Variants in FAM169A observed in about 807,000 individuals in gnomAD.
FAM169A encodes soluble lamin-associated protein of 75 kDa.
In FAM169A, 24 loss-of-function variants were observed where a neutral mutation model predicts 75.7. That is an observed-to-expected ratio of 0.32 (90% CI 0.23 to 0.45). The LOEUF is 0.45. FAM169A is among the 20% of genes least tolerant of loss of function. The probability of loss-of-function intolerance (pLI) is 1.00; values close to 1 mark genes in which losing one functional copy is unlikely to be tolerated. For missense variants in FAM169A, 673 were observed against 784.0 expected (o/e 0.86, Z 1.69); for synonymous variants, 271 against 271.0 (o/e 1.00, Z 0.00).
chr5:74,834,220 T>C (rs1287475833), intron 5 of FAM169A, among the ~76,000 whole-genome samples: 2 of 152,198 alleles, frequency 1.3e-5, no homozygotes, highest in African/African-American at 4.8e-5. Flanking sequence ...ATCAAATGTT[T>C]ATTTTTATTT....
chr5:74,781,374 G>C lies in FAM169A; in HGVS notation c.*86C>G, dbSNP rs1745399581. ...GAAATTTTGGAAATTTTTGTCCTGT[G>C]CCCCATGCTGTTTATTAATTACCAT... On this transcript the variant is annotated 3_prime_UTR_variant, in exon 13 of 13. Coordinates refer to ENST00000687041, the MANE Select transcript of FAM169A (RefSeq NM_001376049.1). 7.5e-7 allele frequency: 1 copy of C among 1,332,504 alleles called. No individual in the cohort carries two copies. Among genetic ancestry groups the C allele is most frequent in the African/African-American group, 1.5e-5 (1 of 68,272 alleles). The allele number at this position is 1,332,504 out of a possible 1,614,324, so 82.5% of individuals were successfully genotyped here. A position where few individuals can be genotyped will look rare whatever the true frequency, so the allele number is the denominator to read the frequency against.
intron 8 of FAM169A, 96 bp from the exon 9 acceptor site, chr5:74,801,725 G>T: frequency 1.1e-6 from 1 of 914,774 alleles, no homozygotes; most frequent in African/African-American, 1.7e-5. Flanking sequence ...CTTGTAAAAT[G>T]TTTTCCAAAT....
At chr5:74,800,830 AAAAAT>A (rs1308934010) in intron 10 of FAM169A, 45 bp downstream of exon 10, 3 of 1,067,208 alleles carry the variant, frequency 2.8e-6, no homozygotes, top group Non-Finnish European at 3.7e-6. Flanking sequence ...AGTATAAACA[AAAAAT>A]AAAAGTACAA....
At chr5:74,847,669 G>GT (rs1749225425) in intron 1 of FAM169A, among the ~76,000 whole-genome samples, 1 of 152,146 alleles carries the variant, frequency 6.6e-6, no homozygotes, top group African/African-American at 2.4e-5. Flanking sequence ...ATCGCCAGTA[G>GT]TATGTCAGCA....
chr5:74,781,699 T>A lies in FAM169A; in HGVS notation c.1774A>T (p.Ile592Leu). 1.2e-6 allele frequency: 2 copies of A among 1,614,134 alleles called. No individual in the cohort carries two copies. Among genetic ancestry groups the A allele is most frequent in the Non-Finnish European group, 1.7e-6 (2 of 1,180,004 alleles). Residue 592 changes from isoleucine to leucine, a missense_variant, in exon 13 of 13, where the codon ATA (isoleucine) becomes TTA (leucine). By Grantham distance (5) the Ile-to-Leu change is conservative. This residue lies in a region of FAM169A where 510 missense variants were observed against 550.9 expected (regional missense o/e 0.93). Transcript: ENST00000687041. ...GGCACGTCTTCAAGTTCAACCTCTATCAAAGAACTCTGAGGAAGAGCAGTA... is the reference window on the plus strand; with the variant it reads ...GGCACGTCTTCAAGTTCAACCTCTAACAAAGAACTCTGAGGAAGAGCAGTA... ...TSTALPQSSL[I>L]EVELEDVPFS...
At chr5:74,861,831 T>C (rs1308824979) in intron 1 of FAM169A, among the ~76,000 whole-genome samples, 1 of 152,318 alleles carries the variant, frequency 6.6e-6, no homozygotes, top group Admixed American at 6.5e-5. Flanking sequence ...TGGGTGATAT[T>C]ATCATTATGC....
At position 74,782,002 on chromosome 5, in the gene FAM169A, G is replaced by A. The variant is rs368694395; in HGVS notation, c.1471C>T (p.Arg491Cys). The A allele has an allele frequency of 3.0e-5, 48 of 1,598,268 alleles. No individual in the cohort carries two copies. The highest frequency in any genetic ancestry group is 1.7e-4 in the Admixed American group (10 of 57,282). Reference sequence around the variant, plus strand: ...ATCAACATTTCTGAGTCAGGTATACGTGGGGTCTGAAAATTAAAAACCTGG... The same window carrying A: ...ATCAACATTTCTGAGTCAGGTATACATGGGGTCTGAAAATTAAAAACCTGG... ...PEVDAPDKTP[R>C]IPDSEMLMDE... is the part of the protein sequence containing the mutation. The change falls in exon 13 of 13, where the codon CGT becomes TGT. Residue 491 changes from arginine (R) to cysteine (C), a missense_variant. Arg to Cys is a radical substitution (Grantham distance 180). Coordinates refer to ENST00000687041, the MANE Select transcript of FAM169A (RefSeq NM_001376049.1).
upstream of FAM169A, chr5:74,866,493 G>A: frequency 4.4e-6 from 3 of 674,170 alleles, no homozygotes; most frequent in Non-Finnish European, 5.5e-6. Context: ...CTGGGACGCC[G>A]CCCTGCCTCC....
In FAM169A at chr5:74,834,554, C is replaced by T. The variant is rs1748472721; in HGVS notation, c.362G>A (p.Arg121Gln). ...CATTTCCTGTTTTCTATAAATAATT[C>T]GATTCAGAACATACAGAACCACTCT... ...GERVVLYVLN[R>Q]IIYRKQEMER... The change falls in exon 5 of 13, where the codon CGA (arginine) becomes CAA (glutamine). Residue 121 changes from arginine to glutamine, a missense_variant. Coordinates refer to ENST00000687041, the MANE Select transcript of FAM169A (RefSeq NM_001376049.1). 2 of 1,600,736 alleles carry T rather than the reference C, an allele frequency of 1.2e-6. No individual in the cohort carries two copies. Among genetic ancestry groups the T allele is most frequent in the Non-Finnish European group, 1.7e-6 (2 of 1,174,434 alleles).
chr5:74,781,535 C>T lies in FAM169A; in HGVS notation c.1938G>A (p.Val646=), dbSNP rs1396523998. The change falls in exon 13 of 13, where the codon GTG becomes GTA. Residue 646 remains valine, a synonymous_variant. Coordinates refer to ENST00000687041, the MANE Select transcript of FAM169A (RefSeq NM_001376049.1). ...TTCTTCTTAAATTCCGCCTGTCTAC[C>T]ACAGGCACTTCCACTTCTATTTCCT... ...SSEEIEVEVP[V]VDRRNLRRKA... is the part of the protein sequence containing the mutation. 1 of 1,614,098 alleles carries T rather than the reference C, an allele frequency of 6.2e-7. No individual in the cohort carries two copies. Among genetic ancestry groups the T allele is most frequent in the South Asian group, 1.1e-5 (1 of 91,072 alleles).
At chr5:74,809,829 C>T (rs1461804317) in intron 6 of FAM169A, among the ~76,000 whole-genome samples, 1 of 152,152 alleles carries the variant, frequency 6.6e-6, no homozygotes, top group Non-Finnish European at 1.5e-5. Flanking sequence ...AAGAGATTGA[C>T]AAAAACCAAG....
rs551933195 is a variant in FAM169A at position 74,797,554 on chromosome 5, T to C, written c.1104-1368A>G. ...CCTCCTAGCTTTGTGCCTTTGCTCA[T>C]GTTAGTGCTTTAGTCGAAATCTGTA... On this transcript the variant is annotated intron_variant, in intron 10 of 12. Coordinates refer to ENST00000687041, the MANE Select transcript of FAM169A (RefSeq NM_001376049.1). Among the ~76,000 whole-genome samples the C allele has an allele frequency of 2.4e-3, 363 of 152,348 alleles. 2 individuals are homozygous for C. Among genetic ancestry groups the C allele is most frequent in the South Asian group, 3.3e-3 (16 of 4,832 alleles).
At chr5:74,850,752 A>C (rs558876312) in intron 1 of FAM169A, among the ~76,000 whole-genome samples, 1 of 152,360 alleles carries the variant, frequency 6.6e-6, no homozygotes, top group South Asian at 2.1e-4. Flanking sequence ...AACCAGTATG[A>C]CTTATACAAT....
intron 1 of FAM169A, among the ~76,000 whole-genome samples, chr5:74,864,944 T>C (rs566875340): frequency 3.0e-4 from 46 of 152,252 alleles, no homozygotes; most frequent in African/African-American, 1.1e-3. Context: ...AAACACTTTA[T>C]AGCACGATAA....
chr5:74,795,897 T>C (rs1372547385), intron 11 of FAM169A, 133 bp downstream of exon 11: 1 of 795,546 alleles, frequency 1.3e-6, no homozygotes, highest in Non-Finnish European at 1.9e-6. Context: ...TTGCTTAATA[T>C]ATATGATTTT....
intron 5 of FAM169A, among the ~76,000 whole-genome samples, chr5:74,816,092 G>A (rs1037876037): frequency 6.6e-5 from 10 of 152,068 alleles, no homozygotes; most frequent in African/African-American, 2.2e-4. Context: ...ACCCCTTTCC[G>A]GTAACAGTCT....
At chr5:74,821,061 G>A (rs1056733867) in intron 5 of FAM169A, among the ~76,000 whole-genome samples, 4 of 152,062 alleles carry the variant, frequency 2.6e-5, no homozygotes, top group Non-Finnish European at 4.4e-5. Context: ...AATAGTACCT[G>A]CTGTCCCACA....
intron 10 of FAM169A, chr5:74,799,594 G>A (rs6859014): frequency 0.25 from 371,039 of 1,466,468 alleles, 55,325 homozygotes; most frequent in African/African-American, 0.69. Context: ...GTCTGGTGGC[G>A]GTGGCACTGG....
At chr5:74,846,216 A>G (rs1749149296) in intron 1 of FAM169A, among the ~76,000 whole-genome samples, 2 of 152,220 alleles carry the variant, frequency 1.3e-5, no homozygotes, top group Non-Finnish European at 1.5e-5. Flanking sequence ...CCTTAAATCA[A>G]TTCAAAAGAT....
Sources: allele counts gnomAD v4.1 joint callset (sites outside exome capture counted in the v4.1 genomes callset), GRCh38; gene constraint gnomAD v4.1.1; regional missense constraint gnomAD v4.1.1; transcripts MANE v1.5; gene names NCBI Gene and HGNC (gene_info 2026-07-23, HGNC 2026-07-21).